Variants in SOX5 observed in about 807,000 individuals in gnomAD.
SOX5 encodes SRY-box transcription factor 5.
In SOX5, 9 loss-of-function variants were observed where a neutral mutation model predicts 92.0. The ratio of observed to expected loss-of-function variants is 0.10; its 90% CI spans 0.06 to 0.17. The LOEUF (loss-of-function observed/expected upper bound fraction) is 0.17, where lower values mean the gene tolerates loss of function less well. Ranked by LOEUF, SOX5 falls within the 10% of genes least tolerant of loss-of-function variation. The pLI, the probability that SOX5 is intolerant of heterozygous loss-of-function variation, is 1.00. For missense variants in SOX5, 642 were observed against 944.5 expected (o/e 0.68, Z 4.20); for synonymous variants, 344 against 336.3 (o/e 1.02, Z -0.25).
At chr12:23,771,194 A>C (rs2094924340) in intron 3 of SOX5, among the ~76,000 whole-genome samples, 1 of 151,316 alleles carries the variant, frequency 6.6e-6, no homozygotes, top group Admixed American at 6.6e-5. Context: ...GAGCAAAAAA[A>C]AAAAAAAAAA....
intron 6 of SOX5, among the ~76,000 whole-genome samples, chr12:23,676,083 G>A (rs948166050): frequency 1.3e-5 from 2 of 152,082 alleles, no homozygotes; most frequent in Admixed American, 6.6e-5. Context: ...TGGTGAAAAT[G>A]GGGAGATGTA....
intron 6 of SOX5, among the ~76,000 whole-genome samples, chr12:23,715,143 C>CA (rs1222960381): frequency 6.6e-6 from 1 of 151,738 alleles, no homozygotes; most frequent in Non-Finnish European, 1.5e-5. Context: ...ACTAAAAATG[C>CA]AAAAAATTAG....
intron 2 of SOX5, among the ~76,000 whole-genome samples, chr12:23,849,769 T>A (rs2096611197): frequency 3.3e-5 from 5 of 152,194 alleles, no homozygotes. Context: ...CTGGTTCATG[T>A]CATATTTTTT....
intron 1 of SOX5, among the ~76,000 whole-genome samples, chr12:24,449,619 A>G (rs1050846784): frequency 6.6e-6 from 1 of 152,248 alleles, no homozygotes; most frequent in African/African-American, 2.4e-5. Context: ...GACCCAAAAC[A>G]GGGCCTGGAA....
intron 4 of SOX5, among the ~76,000 whole-genome samples, chr12:24,040,436 T>C (rs1366853358): frequency 2.0e-5 from 3 of 152,252 alleles, no homozygotes; most frequent in African/African-American, 7.2e-5. Flanking sequence ...CATACTGTTA[T>C]TATATTGTCA....
intron 4 of SOX5, among the ~76,000 whole-genome samples, chr12:24,081,098 C>T (rs1471811710): frequency 6.6e-6 from 1 of 151,922 alleles, no homozygotes; most frequent in Admixed American, 6.6e-5. Flanking sequence ...ACAAAATGAT[C>T]GTTTTCTCTC....
At chr12:24,174,184 G>C (rs1207897990) in intron 4 of SOX5, among the ~76,000 whole-genome samples, 1 of 152,010 alleles carries the variant, frequency 6.6e-6, no homozygotes, top group East Asian at 1.9e-4. Flanking sequence ...TTTTAGTAGA[G>C]ATGAGGTTTT....
rs78104560 is a variant in SOX5 at position 23,792,318 on chromosome 12, A to T, written c.482-36594T>A. On this transcript the variant is annotated intron_variant, in intron 3 of 14. Transcript: ENST00000451604. ...CATTTCACACATGGGGATACACATA[A>T]CTAAGGCGATAAAAATCTCGGACAG... Among the ~76,000 whole-genome samples, 819 of 152,094 alleles carry T rather than the reference A, an allele frequency of 5.4e-3. 26 individuals are homozygous for T. The highest frequency in any genetic ancestry group is 0.038 in the Admixed American group (576 of 15,260).
At chr12:24,396,370 G>A (rs954407209) in intron 1 of SOX5, among the ~76,000 whole-genome samples, 3 of 152,174 alleles carry the variant, frequency 2.0e-5, no homozygotes, top group African/African-American at 7.2e-5. Flanking sequence ...AGTGTGACTG[G>A]AGCACACAGA....
chr12:24,443,797 T>C (rs1457046931), intron 1 of SOX5, among the ~76,000 whole-genome samples: 2 of 152,206 alleles, frequency 1.3e-5, no homozygotes, highest in East Asian at 3.8e-4. Flanking sequence ...CAGGAAAAAC[T>C]GTTTTGAAAG....
At chr12:23,932,776 A>G (rs1448202485) in intron 1 of SOX5, among the ~76,000 whole-genome samples, 2 of 151,668 alleles carry the variant, frequency 1.3e-5, no homozygotes, top group Non-Finnish European at 3.0e-5. Context: ...ATGTAAAATC[A>G]AAAATCTTCT....
chr12:24,017,958 T>C (rs1953850427), intron 4 of SOX5, among the ~76,000 whole-genome samples: 1 of 152,166 alleles, frequency 6.6e-6, no homozygotes, highest in Admixed American at 6.6e-5. Context: ...CCACTAATGA[T>C]TAGGATCCAC....
intron 1 of SOX5, among the ~76,000 whole-genome samples, chr12:24,486,378 C>T (rs577622579): frequency 1.4e-4 from 21 of 152,124 alleles, no homozygotes; most frequent in Non-Finnish European, 2.1e-4. Context: ...GTGTGGAGTA[C>T]GTCCAGGAAG....
chr12:24,210,644 A>T (rs55650707), intron 4 of SOX5, among the ~76,000 whole-genome samples: 3,443 of 152,316 alleles, frequency 0.023, 127 homozygotes, highest in African/African-American at 0.078. Flanking sequence ...AATATTATAT[A>T]TCATTATCAT....
intron 1 of SOX5, among the ~76,000 whole-genome samples, chr12:23,944,883 G>A (rs953448206): frequency 6.6e-6 from 1 of 152,094 alleles, no homozygotes; most frequent in Admixed American, 6.6e-5. Flanking sequence ...GGAACTATAC[G>A]TGAGTTAGTA....
intron 4 of SOX5, among the ~76,000 whole-genome samples, chr12:23,962,394 C>A (rs887694051): frequency 6.6e-6 from 1 of 152,024 alleles, no homozygotes; most frequent in Non-Finnish European, 1.5e-5. Context: ...GACGCAGGTA[C>A]GCACGCAAGC....
At chr12:24,076,776 C>T (rs1592936042) in intron 4 of SOX5, among the ~76,000 whole-genome samples, 1 of 126,210 alleles carries the variant, frequency 7.9e-6, no homozygotes, top group Non-Finnish European at 1.6e-5. Context: ...CATGAGACTT[C>T]TAATTCTCTT....
chr12:24,219,139 C>T (rs2948117), intron 3 of SOX5, among the ~76,000 whole-genome samples: 140,732 of 152,104 alleles, frequency 0.93, 65,306 homozygotes, highest in East Asian at 1. Context: ...TGAGAAAACA[C>T]CTGCTTTAAA....
At chr12:24,140,616 T>C (rs1400757755) in intron 4 of SOX5, among the ~76,000 whole-genome samples, 1 of 152,196 alleles carries the variant, frequency 6.6e-6, no homozygotes, top group Non-Finnish European at 1.5e-5. Flanking sequence ...TTGAGTGTTC[T>C]CTGTTTAGGA....
Sources: gnomAD v4.1 joint callset for allele counts (sites outside exome capture counted in the v4.1 genomes callset) on GRCh38, gnomAD v4.1.1 for gene constraint, MANE v1.5 for transcripts, NCBI Gene and HGNC (gene_info 2026-07-23, HGNC 2026-07-21) for gene names.